Variants in MCPH1 observed in about 807,000 individuals in gnomAD.
The protein encoded by MCPH1 is microcephalin.
Under a neutral mutation model 84.5 loss-of-function variants are expected in MCPH1, and 104 were observed. That is an observed-to-expected ratio of 1.23 (90% CI 1.05 to 1.45). MCPH1 has a LOEUF of 1.45. Ranked by LOEUF, MCPH1 falls within the 40% of genes most tolerant of loss-of-function variation. The probability of loss-of-function intolerance (pLI) is 0.00; values close to 1 mark genes in which losing one functional copy is unlikely to be tolerated. For synonymous variants in MCPH1, 514 were observed against 366.8 expected, an observed-to-expected ratio of 1.40 and a Z score of -4.58; for missense variants, 1,498 against 1,005.7, an observed-to-expected ratio of 1.49 and a Z score of -6.62.
chr8:6,436,909 G>A (rs1480755156), intron 5 of MCPH1, among the ~76,000 whole-genome samples: 1 of 152,022 alleles, frequency 6.6e-6, no homozygotes, highest in South Asian at 2.1e-4. Flanking sequence ...GGCAGAGCTT[G>A]CAGTGAGCCG....
chr8:6,574,246 A>G (rs2922846), intron 12 of MCPH1, among the ~76,000 whole-genome samples: 149,999 of 152,356 alleles, frequency 0.98, 73,866 homozygotes, highest in Middle Eastern at 1. Flanking sequence ...TAATTGAGGC[A>G]TCAGCAGGGC....
chr8:6,423,411 C>T (rs1039633370), intron 3 of MCPH1, among the ~76,000 whole-genome samples: 45 of 151,934 alleles, frequency 3.0e-4, no homozygotes, highest in Admixed American at 6.5e-4. Flanking sequence ...GTGATCCGCC[C>T]GCCTCGGCCT....
At chr8:6,539,723 G>T (rs1322560640) in intron 12 of MCPH1, among the ~76,000 whole-genome samples, 1 of 152,060 alleles carries the variant, frequency 6.6e-6, no homozygotes, top group Non-Finnish European at 1.5e-5. Flanking sequence ...AGTAGCTGGG[G>T]TTACAGGCGC....
intron 12 of MCPH1, among the ~76,000 whole-genome samples, chr8:6,545,583 G>A (rs1822441297): frequency 6.6e-6 from 1 of 152,214 alleles, no homozygotes; most frequent in Admixed American, 6.5e-5. Flanking sequence ...GGGTTAAAAT[G>A]TATATTCGTA....
chr8:6,471,645 T>G (rs893252679), intron 9 of MCPH1, among the ~76,000 whole-genome samples: 1 of 152,230 alleles, frequency 6.6e-6, no homozygotes, highest in Non-Finnish European at 1.5e-5. Flanking sequence ...CATTAATTTT[T>G]GTTCCACTTG....
intron 11 of MCPH1, among the ~76,000 whole-genome samples, chr8:6,495,962 G>A (rs1336548787): frequency 2.0e-5 from 3 of 152,168 alleles, no homozygotes; most frequent in Non-Finnish European, 2.9e-5. Context: ...TGGCACCAAG[G>A]ACCAGTTTTG....
chr8:6,557,023 C>A (rs1040761281), intron 12 of MCPH1, among the ~76,000 whole-genome samples: 2 of 148,464 alleles, frequency 1.3e-5, no homozygotes, highest in African/African-American at 5.3e-5. Context: ...ACTGGAAACC[C>A]CACCTAGGAG....
intron 13 of MCPH1, among the ~76,000 whole-genome samples, chr8:6,634,599 C>T (rs905540567): frequency 6.6e-6 from 1 of 152,192 alleles, no homozygotes; most frequent in Admixed American, 6.5e-5. Context: ...TCTTACCAGT[C>T]CATTATTATG....
At chr8:6,480,210 A>C (rs1273784715) in intron 10 of MCPH1, among the ~76,000 whole-genome samples, 1 of 146,448 alleles carries the variant, frequency 6.8e-6, no homozygotes, top group Non-Finnish European at 1.5e-5. Flanking sequence ...TGCAACCTCC[A>C]CCTCCCGGAT....
At chr8:6,522,302 C>G (rs1008716125) in intron 12 of MCPH1, among the ~76,000 whole-genome samples, 18 of 151,792 alleles carry the variant, frequency 1.2e-4, no homozygotes, top group Non-Finnish European at 1.8e-4. Flanking sequence ...TTGCAGTGAG[C>G]TGAGATCATG....
At chr8:6,499,409 C>G (rs1811718422) in intron 11 of MCPH1, among the ~76,000 whole-genome samples, 1 of 152,070 alleles carries the variant, frequency 6.6e-6, no homozygotes, top group African/African-American at 2.4e-5. Context: ...ATGTTAGAAA[C>G]AAAGTCACAA....
intron 2 of MCPH1, among the ~76,000 whole-genome samples, chr8:6,410,129 C>T (rs1489708272): frequency 6.6e-6 from 1 of 151,972 alleles, no homozygotes; most frequent in Non-Finnish European, 1.5e-5. Context: ...GCCACCATGC[C>T]TAGCTAATTT....
At chr8:6,529,611 C>G (rs1040459228) in intron 12 of MCPH1, among the ~76,000 whole-genome samples, 4 of 150,156 alleles carry the variant, frequency 2.7e-5, no homozygotes, top group African/African-American at 9.8e-5. Context: ...TGCACACAAG[C>G]ACGCCTGGCT....
At chr8:6,509,956 A>C (rs1814651443) in intron 12 of MCPH1, among the ~76,000 whole-genome samples, 1 of 152,146 alleles carries the variant, frequency 6.6e-6, no homozygotes, top group Non-Finnish European at 1.5e-5. Context: ...ACATATCACT[A>C]GCCAGGGAAA....
At chr8:6,625,781 C>G (rs907493471) in intron 13 of MCPH1, 3 of 982,642 alleles carry the variant, frequency 3.1e-6, no homozygotes, top group African/African-American at 3.5e-5. Flanking sequence ...AAGACCCCAT[C>G]TCTAAAAAGA....
intron 1 of MCPH1, chr8:6,407,066 C>T (rs1797831510): frequency 2.9e-6 from 1 of 343,118 alleles, no homozygotes; most frequent in Non-Finnish European, 5.6e-6. Flanking sequence ...CCCCCAAATC[C>T]CGCCTTTCCC....
At chr8:6,568,487 G>T (rs73201312) in intron 12 of MCPH1, among the ~76,000 whole-genome samples, 1 of 152,202 alleles carries the variant, frequency 6.6e-6, no homozygotes, top group Non-Finnish European at 1.5e-5. Flanking sequence ...GACCCCTGCT[G>T]TTGTCCAGTT....
At chr8:6,434,695 G>A (rs1351685463) in intron 4 of MCPH1, among the ~76,000 whole-genome samples, 2 of 152,170 alleles carry the variant, frequency 1.3e-5, no homozygotes, top group South Asian at 2.1e-4. Flanking sequence ...ATAGGCATTA[G>A]CCTTGAGTAG....
At chr8:6,571,022 C>T (rs1483291204) in intron 12 of MCPH1, among the ~76,000 whole-genome samples, 1 of 151,756 alleles carries the variant, frequency 6.6e-6, no homozygotes, top group East Asian at 1.9e-4. Flanking sequence ...AAAAAAATTC[C>T]TTGAGTTTTT....
Sources: allele counts gnomAD v4.1 joint callset (sites outside exome capture counted in the v4.1 genomes callset), GRCh38; gene constraint gnomAD v4.1.1; transcripts MANE v1.5; gene names NCBI Gene and HGNC (gene_info 2026-07-23, HGNC 2026-07-21).